The following PALLD variants were observed in gnomAD, a reference collection of about 807,000 sequenced individuals.
The protein encoded by PALLD is palladin, cytoskeletal associated protein, also known as palladin.
Under a neutral mutation model 123.5 loss-of-function variants are expected in PALLD, and 61 were observed. The ratio of observed to expected loss-of-function variants is 0.49; its 90% confidence interval spans 0.40 to 0.61. PALLD has a LOEUF of 0.61. Ranked by LOEUF, PALLD falls within the 20% of genes least tolerant of loss-of-function variation. PALLD has a pLI of 0.00. For synonymous variants in PALLD, 465 were observed against 496.4 expected, an observed-to-expected ratio of 0.94 and a Z score of 0.84; for missense variants, 1,273 against 1,377.0, an observed-to-expected ratio of 0.92 and a Z score of 1.20.
intron 10 of PALLD, among the ~76,000 whole-genome samples, chr4:168,795,670 G>A (rs1045950106): frequency 7.9e-5 from 12 of 151,826 alleles, no homozygotes; most frequent in Non-Finnish European, 1.5e-5. Context: ...CAGTTAATTG[G>A]GAGCTAATCA....
chr4:168,909,935 G>C (rs1229213826), intron 15 of PALLD, among the ~76,000 whole-genome samples: 1 of 152,036 alleles, frequency 6.6e-6, no homozygotes, highest in African/African-American at 2.4e-5. Flanking sequence ...AAATGCTCCT[G>C]GTTATGTATT....
chr4:168,547,895 G>T (rs573646805), intron 2 of PALLD, among the ~76,000 whole-genome samples: 59 of 147,510 alleles, frequency 4.0e-4, no homozygotes, highest in African/African-American at 1.4e-3. Context: ...GCAGTGAGCC[G>T]TGATCGTGCC....
chr4:168,752,035 C>A (rs866340473), intron 10 of PALLD, among the ~76,000 whole-genome samples: 3 of 152,188 alleles, frequency 2.0e-5, no homozygotes, highest in Non-Finnish European at 4.4e-5. Flanking sequence ...AACACTCAGT[C>A]CCCCTTGCCA....
intron 2 of PALLD, among the ~76,000 whole-genome samples, chr4:168,586,622 G>T (rs1770849538): frequency 6.6e-6 from 1 of 152,120 alleles, no homozygotes; most frequent in South Asian, 2.1e-4. Flanking sequence ...CCCAGTACTG[G>T]GTTTGAACTG....
At chr4:168,831,389 T>TG (rs1744179697) in intron 10 of PALLD, among the ~76,000 whole-genome samples, 1 of 152,192 alleles carries the variant, frequency 6.6e-6, no homozygotes, top group African/African-American at 2.4e-5. Flanking sequence ...CCTCAGATGT[T>TG]GCTAGATCAA....
chr4:168,506,810 C>T (rs1762053942), intron 1 of PALLD, among the ~76,000 whole-genome samples: 1 of 152,160 alleles, frequency 6.6e-6, no homozygotes, highest in Non-Finnish European at 1.5e-5. Flanking sequence ...CTGTTGCATA[C>T]ACCGAAAGTG....
At chr4:168,609,104 T>A (rs1271915514) in intron 2 of PALLD, among the ~76,000 whole-genome samples, 1 of 152,116 alleles carries the variant, frequency 6.6e-6, no homozygotes, top group Non-Finnish European at 1.5e-5. Context: ...CAAACTTCCT[T>A]TATTCAGACG....
intron 1 of PALLD, 45 bp from the exon 2 acceptor site, chr4:168,511,378 G>T: frequency 1.4e-6 from 1 of 695,188 alleles, no homozygotes. Context: ...GATTAAAATG[G>T]GGAAAAAATC....
At chr4:168,752,618 C>T (rs1731211321) in intron 10 of PALLD, among the ~76,000 whole-genome samples, 1 of 152,012 alleles carries the variant, frequency 6.6e-6, no homozygotes, top group South Asian at 2.1e-4. Context: ...ATTGTGTTTC[C>T]TTTTTACGTT....
chr4:168,612,318 T>C (rs928959253), intron 2 of PALLD, among the ~76,000 whole-genome samples: 4 of 150,614 alleles, frequency 2.7e-5, no homozygotes, highest in African/African-American at 9.8e-5. Flanking sequence ...CCCCTTGAAA[T>C]AGGGAACTGA....
intron 2 of PALLD, among the ~76,000 whole-genome samples, chr4:168,613,234 G>A (rs1416018167): frequency 2.0e-5 from 3 of 152,134 alleles, no homozygotes; most frequent in African/African-American, 7.2e-5. Context: ...AGGACATTCA[G>A]TGCTGAAACC....
chr4:168,845,858 C>A lies in PALLD; in HGVS notation c.1965-45064C>A, dbSNP rs373602152. Among the ~76,000 whole-genome samples the A allele has an allele frequency of 2.9e-4, 44 of 152,306 alleles. 1 individual carries two copies. In the South Asian group the frequency reaches 5.0e-3, roughly 17 times the overall value. ...GAATGCTTCCCAAGGGCTTGAAAGT[C>A]GTTTGTCTTAAGCAGCACTTTTGCC... On this transcript the variant is annotated intron_variant, in intron 10 of 21. Transcript: ENST00000505667.
At chr4:168,755,083 A>G (rs1465109434) in intron 10 of PALLD, among the ~76,000 whole-genome samples, 1 of 152,088 alleles carries the variant, frequency 6.6e-6, no homozygotes, top group Non-Finnish European at 1.5e-5. Flanking sequence ...ATACAAAAAA[A>G]TTAGCCAGGC....
Position 168,914,102 on chromosome 4 carries a change from G to T in PALLD, c.2717+81G>T. ...TGTAGTACTATTAGAATCATCATAT[G>T]ACCACAAAAGTAAACATAACTGGAA... On this transcript the variant is annotated intron_variant, in intron 16 of 21. Transcript: ENST00000505667. The T allele has an allele frequency of 4.6e-6, 4 of 871,928 alleles. No individual in the cohort carries two copies. The South Asian group carries it at 5.6e-5, about 12-fold the overall frequency. 54.0% of individuals were successfully genotyped at this position (871,928 alleles called of 1,614,324 possible).
chr4:168,789,336 T>C (rs761827862), intron 10 of PALLD, among the ~76,000 whole-genome samples: 14 of 152,198 alleles, frequency 9.2e-5, no homozygotes, highest in Non-Finnish European at 1.5e-4. Flanking sequence ...TGTATTTGAT[T>C]TGTTTTAAAA....
chr4:168,567,125 CAT>C (rs754570762), intron 2 of PALLD, among the ~76,000 whole-genome samples: 1 of 152,070 alleles, frequency 6.6e-6, no homozygotes, highest in African/African-American at 2.4e-5. Context: ...GTGGTTCTCA[CAT>C]GTTTGAGTTA....
At chr4:168,812,268 C>G (rs1388365726) in intron 10 of PALLD, among the ~76,000 whole-genome samples, 1 of 152,174 alleles carries the variant, frequency 6.6e-6, no homozygotes, top group Non-Finnish European at 1.5e-5. Flanking sequence ...CCAAGCTTGG[C>G]CTCCTTAGAA....
intron 1 of PALLD, among the ~76,000 whole-genome samples, chr4:168,499,261 AGGGAGGGAGGATGGGAGGGAGGAT>A (rs200945386): frequency 0.16 from 11,891 of 72,650 alleles, 1,405 homozygotes; most frequent in Non-Finnish European, 0.19. Context: ...GGAGGGAGGA[AGGGAGGGAGGATGGGAGGGAGGAT>A]GGGAGGGAGG....
chr4:168,719,594 A>G (rs556340702), intron 10 of PALLD, among the ~76,000 whole-genome samples: 87 of 152,058 alleles, frequency 5.7e-4, no homozygotes, highest in Non-Finnish European at 8.2e-4. Flanking sequence ...TCTTACTTGT[A>G]TTTTAGGTTC....
Sources: gnomAD v4.1 joint callset for allele counts (sites outside exome capture counted in the v4.1 genomes callset) on GRCh38, gnomAD v4.1.1 for gene constraint, MANE v1.5 for transcripts, NCBI Gene and HGNC (gene_info 2026-07-23, HGNC 2026-07-21) for gene names.